CDC42SE2: variants seen among roughly 807,000 people sequenced by gnomAD.
CDC42SE2 encodes CDC42 small effector protein 2.
CDC42SE2 carries 3 observed loss-of-function variants against 11.5 expected under a neutral mutation model. The observed-to-expected ratio is 0.26, with a 90% CI of 0.12 to 0.67. The LOEUF is 0.67. Ranked by LOEUF, CDC42SE2 falls within the 30% of genes least tolerant of loss-of-function variation. The pLI is 0.80. For synonymous variants in CDC42SE2, 33 were observed against 34.8 expected, an observed-to-expected ratio of 0.95 and a Z score of 0.18; for missense variants, 82 against 106.8, an observed-to-expected ratio of 0.77 and a Z score of 1.02.
the CDC42SE2 span, among the ~76,000 whole-genome samples, chr5:131,232,678 G>T: frequency 2.2e-5 from 3 of 138,844 alleles, no homozygotes; most frequent in Non-Finnish European, 4.5e-5. Flanking sequence ...AGGTTGCAGT[G>T]AGCCGAGATC....
At chr5:131,227,356 G>A in the CDC42SE2 span, among the ~76,000 whole-genome samples, 2,657 of 152,258 alleles carry the variant, frequency 0.017, 43 homozygotes, top group Admixed American at 0.059. Flanking sequence ...TTTGGTTGGC[G>A]AGGTACAGTG....
chr5:131,274,702 G>A (rs1255680090), intron 1 of CDC42SE2, among the ~76,000 whole-genome samples: 1 of 152,102 alleles, frequency 6.6e-6, no homozygotes, highest in African/African-American at 2.4e-5. Flanking sequence ...CGTCCTGCTT[G>A]TCTGATTTCA....
chr5:131,238,375 C>T, the CDC42SE2 span, among the ~76,000 whole-genome samples: 1 of 151,774 alleles, frequency 6.6e-6, no homozygotes, highest in Non-Finnish European at 1.5e-5. Flanking sequence ...TGGTGGCGGG[C>T]GCCTGTAGTA....
At chr5:131,366,277 G>C (rs1315922438) in intron 3 of CDC42SE2, among the ~76,000 whole-genome samples, 1 of 152,180 alleles carries the variant, frequency 6.6e-6, no homozygotes, top group African/African-American at 2.4e-5. Context: ...AAACAAACTA[G>C]AAAGGCTCTT....
chr5:131,280,182 G>T (rs958402633), intron 1 of CDC42SE2, among the ~76,000 whole-genome samples: 1 of 152,150 alleles, frequency 6.6e-6, no homozygotes, highest in Non-Finnish European at 1.5e-5. Context: ...AAAATATGGG[G>T]TCTACATTTC....
At chr5:131,380,750 A>G (rs1187080586) in intron 3 of CDC42SE2, among the ~76,000 whole-genome samples, 1 of 152,152 alleles carries the variant, frequency 6.6e-6, no homozygotes, top group African/African-American at 2.4e-5. Context: ...GCCATCTTAC[A>G]GGGGAAAAAT....
chr5:131,269,034 C>A (rs1359220044), intron 1 of CDC42SE2, among the ~76,000 whole-genome samples: 2 of 152,084 alleles, frequency 1.3e-5, no homozygotes, highest in Non-Finnish European at 2.9e-5. Context: ...CAAGCGTGAG[C>A]CACCGTGCCA....
At chr5:131,232,602 C>T in the CDC42SE2 span, among the ~76,000 whole-genome samples, 18 of 151,758 alleles carry the variant, frequency 1.2e-4, no homozygotes, top group African/African-American at 4.1e-4. Context: ...GGTGTGTTGG[C>T]GGGCGCCTGT....
chr5:131,386,108 C>T (rs911706864), intron 4 of CDC42SE2, among the ~76,000 whole-genome samples: 15 of 152,210 alleles, frequency 9.9e-5, no homozygotes, highest in African/African-American at 3.4e-4. Context: ...GGACCAGTTT[C>T]GTGGAAGACA....
At chr5:131,272,165 C>T (rs1332523110) in intron 1 of CDC42SE2, among the ~76,000 whole-genome samples, 1 of 151,994 alleles carries the variant, frequency 6.6e-6, no homozygotes, top group Non-Finnish European at 1.5e-5. Context: ...CGCCCATCAC[C>T]ATGCCCGGCT....
At chr5:131,354,220 A>G (rs1179395643) in intron 2 of CDC42SE2, among the ~76,000 whole-genome samples, 1 of 152,186 alleles carries the variant, frequency 6.6e-6, no homozygotes, top group Non-Finnish European at 1.5e-5. Flanking sequence ...CCTGGGCAGC[A>G]AAGCAAGACC....
At chr5:131,376,841 G>C (rs1750169887) in intron 3 of CDC42SE2, among the ~76,000 whole-genome samples, 1 of 152,162 alleles carries the variant, frequency 6.6e-6, no homozygotes, top group Non-Finnish European at 1.5e-5. Flanking sequence ...TTATGGTTGT[G>C]TGGTATTCCA....
chr5:131,232,982 T>C, the CDC42SE2 span, among the ~76,000 whole-genome samples: 2 of 151,438 alleles, frequency 1.3e-5, no homozygotes, highest in African/African-American at 2.4e-5. Flanking sequence ...AGGTGTACAG[T>C]GGAAAGGCTT....
intron 3 of CDC42SE2, among the ~76,000 whole-genome samples, chr5:131,366,124 C>A (rs1358706221): frequency 6.6e-6 from 1 of 152,218 alleles, no homozygotes; most frequent in Non-Finnish European, 1.5e-5. Flanking sequence ...GGAACTACCT[C>A]CCCTGCCTTA....
intron 3 of CDC42SE2, among the ~76,000 whole-genome samples, chr5:131,374,594 T>C (rs1750099140): frequency 6.6e-6 from 1 of 152,060 alleles, no homozygotes; most frequent in South Asian, 2.1e-4. Flanking sequence ...GAATTTTTTT[T>C]TTTAAGCTAA....
the CDC42SE2 span, among the ~76,000 whole-genome samples, chr5:131,216,518 A>AAAAAAAAAAAAAAAAAAC: frequency 2.1e-5 from 3 of 146,008 alleles, no homozygotes; most frequent in African/African-American, 8.2e-5. Flanking sequence ...AAAAAAAAAA[A>AAAAAAAAAAAAAAAAAAC]AAAACATTAT....
intron 1 of CDC42SE2, among the ~76,000 whole-genome samples, chr5:131,298,897 A>G (rs1441827990): frequency 1.3e-5 from 2 of 152,180 alleles, no homozygotes; most frequent in Admixed American, 1.3e-4. Flanking sequence ...AACCTCTGTA[A>G]TATAAATGCC....
At chr5:131,243,389 C>A (rs1483076391), upstream of CDC42SE2, among the ~76,000 whole-genome samples, 1 of 152,062 alleles carries the variant, frequency 6.6e-6, no homozygotes, top group Non-Finnish European at 1.5e-5. Context: ...ACCATCCTGG[C>A]TAAAGTGTGA....
intron 2 of CDC42SE2, among the ~76,000 whole-genome samples, chr5:131,329,841 T>A (rs1758378779): frequency 7.5e-6 from 1 of 132,542 alleles, no homozygotes; most frequent in African/African-American, 2.8e-5. Flanking sequence ...ATTGTGCCAT[T>A]GCCCTCCAGC....
Sources: allele counts gnomAD v4.1 joint callset (sites outside exome capture counted in the v4.1 genomes callset), GRCh38; gene constraint gnomAD v4.1.1; transcripts MANE v1.5; gene names NCBI Gene and HGNC (gene_info 2026-07-23, HGNC 2026-07-21).